The following ASMTL variants were observed in gnomAD, a reference collection of about 807,000 sequenced individuals.
The protein encoded by ASMTL is acetylserotonin O-methyltransferase like.
In ASMTL, 57 loss-of-function variants were observed where a neutral mutation model predicts 60.3. The observed-to-expected ratio is 0.95, with a 90% CI of 0.76 to 1.18. ASMTL has a LOEUF of 1.18. Ranked by LOEUF, ASMTL falls within the 50% of genes most tolerant of loss-of-function variation. The pLI is 0.00. For missense variants in ASMTL, 981 were observed against 852.6 expected (o/e 1.15, Z -1.88); for synonymous variants, 419 against 373.0 (o/e 1.12, Z -1.42).
At chrX:1,425,028 CCCATCTATCCACCTACCATCCAT>C (rs1177759108) in intron 8 of ASMTL, among the ~76,000 whole-genome samples, 6 of 20,382 alleles carry the variant, frequency 2.9e-4, no homozygotes, top group East Asian at 4.5e-3. Flanking sequence ...CATCCTTCCT[CCCATCTATCCACCTACCATCCAT>C]CCATCCATCT....
intron 11 of ASMTL, among the ~76,000 whole-genome samples, chrX:1,416,701 C>T (rs1194707525): frequency 6.6e-6 from 1 of 151,232 alleles, no homozygotes; most frequent in African/African-American, 2.4e-5. Context: ...CACAGAGACA[C>T]ATTCTTACGC....
intron 8 of ASMTL, among the ~76,000 whole-genome samples, chrX:1,423,453 G>A (rs2090530186): frequency 6.6e-6 from 1 of 152,036 alleles, no homozygotes; most frequent in Non-Finnish European, 1.5e-5. Flanking sequence ...GCCCTTCCCA[G>A]GCTACTCAAG....
Position 1,435,174 on chromosome X carries a change from C to A in ASMTL, c.339-91G>T, listed in dbSNP as rs760899851. On this transcript the variant is annotated intron_variant, in intron 4 of 12. Transcript: ENST00000381317. ...CTCAAAACCAGGGGAGGCAGCGAGG[C>A]GTCCTTAATCCTGGATCCGTCCCCA... 46 of 1,333,718 alleles carry A rather than the reference C, an allele frequency of 3.4e-5. 1 individual carries two copies. In the South Asian group the frequency reaches 5.4e-4, roughly 16 times the overall value. 82.6% of individuals were successfully genotyped at this position (1,333,718 alleles called of 1,614,324 possible). A position where few individuals can be genotyped will look rare whatever the true frequency, so the allele number is the denominator to read the frequency against.
chrX:1,415,401 C>T (rs73618980), intron 11 of ASMTL, among the ~76,000 whole-genome samples: 141,457 of 151,762 alleles, frequency 0.93, 66,522 homozygotes, highest in East Asian at 1. Flanking sequence ...GTCTCGGCTA[C>T]TTGCACTGAT....
Position 1,425,614 on chromosome X carries a change from A to G in ASMTL, c.971T>C (p.Ile324Thr). 1 of 1,613,830 alleles carries G rather than the reference A, an allele frequency of 6.2e-7. No individual in the cohort carries two copies. Among genetic ancestry groups the G allele is most frequent in the Non-Finnish European group, 8.5e-7 (1 of 1,179,826 alleles). Reference protein sequence around the residue: ...KDEAPQKAADIASKVDASACG... With the variant: ...KDEAPQKAADTASKVDASACG... ...CGCAGAGGCGTCCACTTTGCTGGCA[A>G]TATCCGCAGCCTTCTGGGGTGCTTC... The change falls in exon 8 of 13, where the codon ATT becomes ACT. Residue 324 changes from isoleucine (I) to threonine (T), a missense_variant. Coordinates refer to ENST00000381317, the MANE Select transcript of ASMTL (RefSeq NM_004192.4).
At chrX:1,419,432 C>T (rs1442306133) in intron 9 of ASMTL, among the ~76,000 whole-genome samples, 1 of 152,168 alleles carries the variant, frequency 6.6e-6, no homozygotes, top group East Asian at 1.9e-4. Context: ...CTGGAGGCTC[C>T]GGGTGGCCCA....
intron 12 of ASMTL, among the ~76,000 whole-genome samples, chrX:1,412,316 C>G (rs1227013153): frequency 2.6e-5 from 4 of 152,048 alleles, no homozygotes; most frequent in Non-Finnish European, 4.4e-5. Context: ...CAGTCTCCAG[C>G]TCCCGGGTTC....
Position 1,419,065 on chromosome X carries a change from A to G in ASMTL, c.1295T>C (p.Met432Thr), listed in dbSNP as rs200635810. 1.4e-4 allele frequency: 219 copies of G among 1,611,352 alleles called. No individual in the cohort carries two copies. Among genetic ancestry groups the G allele is most frequent in the East Asian group, 4.5e-5 (2 of 44,856 alleles). ...PETRLRFMRAMHGMTKLTACQ... is the reference protein window; with the variant it reads ...PETRLRFMRATHGMTKLTACQ... ...CGCAGTCAGCTTCGTCATGCCGTGC[A>G]TGGCCCGCATGAACCTCAGCCGCGT... is the stretch of plus-strand genomic sequence containing the variant. Residue 432 changes from methionine to threonine, a missense_variant, in exon 10 of 13, where the codon ATG becomes ACG. Coordinates refer to ENST00000381317, the MANE Select transcript of ASMTL (RefSeq NM_004192.4).
Position 1,403,211 on chromosome X carries a change from G to A in ASMTL, c.*58C>T. 1 of 1,442,558 alleles carries A rather than the reference G, an allele frequency of 6.9e-7. No individual in the cohort carries two copies. The allele number at this position is 1,442,558 out of a possible 1,614,324, so 89.4% of individuals were successfully genotyped here. ...ACTGTCCTATGGTACTTGGGGACCG[G>A]GCGGTCCACCTGCAGCCTGGGGGAG... is the stretch of plus-strand genomic sequence containing the variant. On this transcript the variant is annotated 3_prime_UTR_variant, in exon 13 of 13. Coordinates refer to ENST00000381317, the MANE Select transcript of ASMTL (RefSeq NM_004192.4).
chrX:1,416,666 GCACA>G (rs770413325), intron 11 of ASMTL, among the ~76,000 whole-genome samples: 25 of 150,886 alleles, frequency 1.7e-4, no homozygotes, highest in Admixed American at 1.2e-3. Flanking sequence ...ACAGAGAGTT[GCACA>G]CACACAAACG....
In ASMTL at chrX:1,425,584, C is replaced by T; in HGVS notation, c.1001G>A (p.Gly334Glu). The T allele has an allele frequency of 6.2e-7, 1 of 1,613,784 alleles. No homozygotes were observed. The highest frequency in any genetic ancestry group is 1.3e-5 in the African/African-American group (1 of 75,074). The change falls in exon 8 of 13, where the codon GGA becomes GAA. Residue 334 changes from glycine to glutamate, a missense_variant. By Grantham distance (98) the Gly-to-Glu change is moderately conservative. Transcript: ENST00000381317. ...ACAGATGTCCAGAAGCCTCTCCATT[C>T]CACACGCAGAGGCGTCCACTTTGCT... Reference protein sequence around the residue: ...IASKVDASACGMERLLDICAA... With the variant: ...IASKVDASACEMERLLDICAA...
At chrX:1,418,236 A>C in intron 10 of ASMTL, 120 bp from the exon 11 acceptor site, 1 of 1,208,906 alleles carries the variant, frequency 8.3e-7, no homozygotes, top group Non-Finnish European at 1.1e-6. Context: ...CCATGCTGGA[A>C]GGGAAAGCCA....
chrX:1,433,636 C>T (rs1193760942), intron 5 of ASMTL, among the ~76,000 whole-genome samples: 1 of 150,938 alleles, frequency 6.6e-6, no homozygotes, highest in African/African-American at 2.4e-5. Flanking sequence ...GCCGAGATGG[C>T]GCAAGTGCAC....
At chrX:1,412,015 C>T (rs1347010107) in intron 12 of ASMTL, among the ~76,000 whole-genome samples, 1 of 151,920 alleles carries the variant, frequency 6.6e-6, no homozygotes, top group Non-Finnish European at 1.5e-5. Flanking sequence ...CGGGGTTTCA[C>T]CATGTTGGCC....
At chrX:1,407,605 C>G (rs1409797568) in intron 12 of ASMTL, among the ~76,000 whole-genome samples, 2 of 152,010 alleles carry the variant, frequency 1.3e-5, no homozygotes, top group African/African-American at 4.8e-5. Flanking sequence ...GTTAGAAGGC[C>G]AGACGCAGTG....
At chrX:1,434,954 G>A (rs1378640752) in intron 5 of ASMTL, 68 bp downstream of exon 5, 24 of 1,571,962 alleles carry the variant, frequency 1.5e-5, no homozygotes, top group Non-Finnish European at 2.1e-5. Flanking sequence ...TCAAGCCAAG[G>A]GTCCCGAGAA....
chrX:1,421,905 G>A (rs2090495008), intron 8 of ASMTL, 63 bp from the exon 9 acceptor site: 1 of 1,477,998 alleles, frequency 6.8e-7, no homozygotes, highest in Non-Finnish European at 9.4e-7. Flanking sequence ...CCTGACCGTA[G>A]GGGATGTATC....
intron 5 of ASMTL, among the ~76,000 whole-genome samples, chrX:1,434,358 C>T (rs2090901666): frequency 6.6e-6 from 1 of 151,666 alleles, no homozygotes; most frequent in Non-Finnish European, 1.5e-5. Context: ...GGTGTGGTGG[C>T]GTGTGCCTGT....
At chrX:1,407,737 A>C (rs183582497) in intron 12 of ASMTL, among the ~76,000 whole-genome samples, 158 of 151,836 alleles carry the variant, frequency 1.0e-3, no homozygotes, top group African/African-American at 3.7e-3. Context: ...TTTTTTAAAA[A>C]AGGATGATAG....
Sources: gnomAD v4.1 joint callset for allele counts (sites outside exome capture counted in the v4.1 genomes callset) on GRCh38, gnomAD v4.1.1 for gene constraint, MANE v1.5 for transcripts, NCBI Gene and HGNC (gene_info 2026-07-23, HGNC 2026-07-21) for gene names.